The following PTPRG variants were observed in gnomAD, a reference collection of about 807,000 sequenced individuals.
PTPRG encodes the protein receptor-type tyrosine-protein phosphatase gamma.
A neutral mutation model predicts 165.3 loss-of-function variants in PTPRG; 102 were observed. The observed-to-expected ratio is 0.62, with a 90% CI of 0.53 to 0.73. The LOEUF (loss-of-function observed/expected upper bound fraction) is 0.73, where lower values mean the gene tolerates loss of function less well. Among genes scored for constraint, PTPRG ranks in the 30% least tolerant of loss-of-function variants. PTPRG has a pLI of 0.00. For synonymous variants in PTPRG, 675 were observed against 669.5 expected, an observed-to-expected ratio of 1.01 and a Z score of -0.13; for missense variants, 1,866 against 1,861.4, an observed-to-expected ratio of 1.00 and a Z score of -0.05.
intron 1 of PTPRG, among the ~76,000 whole-genome samples, chr3:61,701,336 G>A (rs1358587579): frequency 1.3e-5 from 2 of 152,086 alleles, no homozygotes; most frequent in South Asian, 2.1e-4. Flanking sequence ...TATCATGTTG[G>A]ATGCAAGGCA....
chr3:61,851,332 A>G (rs1208324815), intron 2 of PTPRG, among the ~76,000 whole-genome samples: 2 of 152,166 alleles, frequency 1.3e-5, no homozygotes, highest in Non-Finnish European at 2.9e-5. Flanking sequence ...GGATGGGTCT[A>G]TTTTATAGGA....
chr3:61,744,780 G>T (rs72878460), intron 1 of PTPRG, among the ~76,000 whole-genome samples: 10 of 152,230 alleles, frequency 6.6e-5, no homozygotes, highest in African/African-American at 2.4e-4. Context: ...GTCCTGCCCT[G>T]TTCATTTCTG....
At chr3:62,069,637 G>GTCTCTCTCTCTCTCTC (rs537162206) in intron 4 of PTPRG, among the ~76,000 whole-genome samples, 1 of 141,062 alleles carries the variant, frequency 7.1e-6, no homozygotes, top group African/African-American at 2.8e-5. Flanking sequence ...TAGGATCGAT[G>GTCTCTCTCTCTCTCTC]TCTCTCTCTC....
At chr3:62,110,271 C>G (rs1339864728) in intron 5 of PTPRG, among the ~76,000 whole-genome samples, 1 of 151,920 alleles carries the variant, frequency 6.6e-6, no homozygotes, top group East Asian at 1.9e-4. Flanking sequence ...AAGAGATGTG[C>G]TAAGAGAGAA....
chr3:61,847,333 C>T (rs377368361), intron 2 of PTPRG, among the ~76,000 whole-genome samples: 5 of 152,258 alleles, frequency 3.3e-5, no homozygotes, highest in South Asian at 4.1e-4. Flanking sequence ...CATCAGCCCA[C>T]GGGAAACTTC....
intron 1 of PTPRG, among the ~76,000 whole-genome samples, chr3:61,740,008 T>C (rs578253852): frequency 1.3e-5 from 2 of 152,358 alleles, no homozygotes; most frequent in East Asian, 3.9e-4. Flanking sequence ...CACCCATGCA[T>C]ACATGTACAG....
chr3:62,010,020 C>A (rs1164028327), intron 4 of PTPRG, among the ~76,000 whole-genome samples: 1 of 152,162 alleles, frequency 6.6e-6, no homozygotes, highest in African/African-American at 2.4e-5. Context: ...TGGGCTCAAC[C>A]GGTTCTCTTG....
chr3:61,852,920 A>T (rs1048876009), intron 2 of PTPRG, among the ~76,000 whole-genome samples: 6 of 152,180 alleles, frequency 3.9e-5, no homozygotes, highest in Non-Finnish European at 7.3e-5. Flanking sequence ...CAAAGACCTC[A>T]CCTTTATGAG....
chr3:62,232,113 G>T (rs1447764574), intron 14 of PTPRG, among the ~76,000 whole-genome samples: 1 of 152,130 alleles, frequency 6.6e-6, no homozygotes, highest in Non-Finnish European at 1.5e-5. Flanking sequence ...TAGGATTTAT[G>T]TTAGAATTTT....
chr3:61,883,397 T>C (rs1167319021), intron 2 of PTPRG, among the ~76,000 whole-genome samples: 1 of 152,188 alleles, frequency 6.6e-6, no homozygotes, highest in Non-Finnish European at 1.5e-5. Context: ...GCAAAAGTCC[T>C]GTCCTCCAGA....
intron 12 of PTPRG, among the ~76,000 whole-genome samples, chr3:62,215,549 C>CA (rs917967891): frequency 7.3e-6 from 1 of 137,338 alleles, no homozygotes; most frequent in African/African-American, 2.8e-5. Context: ...TACGGGAACC[C>CA]CCCCCCCCCG....
intron 1 of PTPRG, among the ~76,000 whole-genome samples, chr3:61,563,230 C>T (rs531972774): frequency 7.9e-5 from 12 of 152,268 alleles, no homozygotes; most frequent in Non-Finnish European, 1.3e-4. Flanking sequence ...GCCCTGCCTA[C>T]CTTCATCTTT....
chr3:61,779,794 T>A (rs1451719525), intron 2 of PTPRG, among the ~76,000 whole-genome samples: 1 of 152,224 alleles, frequency 6.6e-6, no homozygotes, highest in Non-Finnish European at 1.5e-5. Flanking sequence ...CATGCTGACC[T>A]GCTGTCCTCC....
intron 2 of PTPRG, among the ~76,000 whole-genome samples, chr3:61,917,753 A>G (rs938558522): frequency 1.9e-4 from 29 of 152,144 alleles, no homozygotes; most frequent in Admixed American, 1.3e-4. Context: ...GACATGGTGA[A>G]ACCCCGTGTC....
chr3:61,995,080 C>CTTTTTTTTTTTTTTTTTT (rs1233679653), intron 3 of PTPRG, among the ~76,000 whole-genome samples: 4 of 107,396 alleles, frequency 3.7e-5, no homozygotes, highest in Admixed American at 9.2e-5. Context: ...TCTTTTCTTT[C>CTTTTTTTTTTTTTTTTTT]TTTCTTTTTT....
intron 1 of PTPRG, among the ~76,000 whole-genome samples, chr3:61,606,036 C>T (rs1344157641): frequency 6.6e-6 from 1 of 152,228 alleles, no homozygotes; most frequent in Non-Finnish European, 1.5e-5. Context: ...TTTTCTATTG[C>T]TGTATAACAA....
chr3:62,261,669 A>C (rs573616079), intron 16 of PTPRG, among the ~76,000 whole-genome samples: 2 of 151,770 alleles, frequency 1.3e-5, no homozygotes, highest in African/African-American at 4.8e-5. Flanking sequence ...GTGTCCAACA[A>C]TTGGAGAGTC....
intron 1 of PTPRG, among the ~76,000 whole-genome samples, chr3:61,567,783 G>A (rs911486237): frequency 6.6e-6 from 1 of 151,656 alleles, no homozygotes; most frequent in African/African-American, 2.4e-5. Flanking sequence ...AGGAGTTCAA[G>A]ACCAGCCATG....
At chr3:62,016,269 G>A (rs908762997) in intron 4 of PTPRG, among the ~76,000 whole-genome samples, 9 of 152,150 alleles carry the variant, frequency 5.9e-5, no homozygotes, top group Admixed American at 5.2e-4. Flanking sequence ...CCAGGTTCAA[G>A]CAATTCTCCT....
Sources: allele counts gnomAD v4.1 joint callset (sites outside exome capture counted in the v4.1 genomes callset), GRCh38; gene constraint gnomAD v4.1.1; transcripts MANE v1.5; gene names NCBI Gene and HGNC (gene_info 2026-07-23, HGNC 2026-07-21).